The following SLFN12 variants were observed in gnomAD, a reference collection of about 807,000 sequenced individuals.
SLFN12 encodes schlafen family member 12.
SLFN12 carries 25 observed loss-of-function variants against 29.1 expected under a neutral mutation model. The ratio of observed to expected loss-of-function variants is 0.86; its 90% confidence interval spans 0.63 to 1.20. The LOEUF is 1.20. Ranked by LOEUF, SLFN12 falls within the 50% of genes most tolerant of loss-of-function variation. The pLI, the probability that SLFN12 is intolerant of heterozygous loss-of-function variation, is 0.00. For missense variants in SLFN12, 660 were observed against 666.2 expected, an observed-to-expected ratio of 0.99 and a Z score of 0.10; for synonymous variants, 257 against 238.7, an observed-to-expected ratio of 1.08 and a Z score of -0.71.
At chr17:35,421,502 T>C (rs1436427324) in intron 2 of SLFN12, among the ~76,000 whole-genome samples, 1 of 150,398 alleles carries the variant, frequency 6.6e-6, no homozygotes, top group Admixed American at 6.6e-5. Context: ...TATCTTCTTC[T>C]AAGGGTATAG....
intron 1 of SLFN12, among the ~76,000 whole-genome samples, chr17:35,429,088 G>C (rs1427093913): frequency 1.3e-5 from 2 of 151,688 alleles, no homozygotes; most frequent in Non-Finnish European, 2.9e-5. Context: ...TCTCTAACTA[G>C]AGTCTTGTCC....
At chr17:35,414,125 C>T (rs1462588572) in intron 3 of SLFN12, among the ~76,000 whole-genome samples, 1 of 151,876 alleles carries the variant, frequency 6.6e-6, no homozygotes, top group African/African-American at 2.4e-5. Context: ...AAGTCCTAGC[C>T]AGAGCAATTA....
chr17:35,421,255 A>AATAAATAAATAGATAG (rs202080729), intron 2 of SLFN12, among the ~76,000 whole-genome samples: 1 of 146,822 alleles, frequency 6.8e-6, no homozygotes, highest in African/African-American at 2.5e-5. Flanking sequence ...TAAATAAATA[A>AATAAATAAATAGATAG]ATAGAAAGGG....
chr17:35,411,444 A>G lies in SLFN12; in HGVS notation c.1631T>C (p.Leu544Pro), dbSNP rs139010072. The change falls in exon 4 of 4, where the codon CTG becomes CCG. Residue 544 changes from leucine to proline, a missense_variant. By Grantham distance (98) the Leu-to-Pro change is moderately conservative. Transcript: ENST00000304905. Reference protein sequence around the residue: ...LFKALKRLKSLRDQFSFAENL... With the variant: ...LFKALKRLKSPRDQFSFAENL... ...TTCTGCAAAGGAAAACTGGTCTCTC[A>G]GAGACTTGAGTCTCTTTAAGGCTTT... The G allele has an allele frequency of 7.3e-4, 1,174 of 1,613,520 alleles. 9 individuals carry two copies. The highest frequency in any genetic ancestry group is 2.0e-3 in the South Asian group (186 of 91,002).
chr17:35,420,639 TG>T (rs1470779648), intron 2 of SLFN12: 1 of 289,208 alleles, frequency 3.5e-6, no homozygotes, highest in Non-Finnish European at 6.4e-6. Context: ...ACCATATAAT[TG>T]GGTTTATTTT....
chr17:35,427,493 G>A (rs1912079152), intron 1 of SLFN12, among the ~76,000 whole-genome samples: 1 of 152,048 alleles, frequency 6.6e-6, no homozygotes, highest in African/African-American at 2.4e-5. Context: ...TTCACAAAAT[G>A]AGTTGAGGAT....
rs1198306867 is a variant in SLFN12, at chr17:35,411,604, C to G, written c.1471G>C (p.Val491Leu). Reference protein sequence around the residue: ...LAKIGGYTKKVCVMTKIFYLS... With the variant: ...LAKIGGYTKKLCVMTKIFYLS... Reference sequence around the variant, plus strand: ...TAGAAGATCTTTGTCATGACACACACTTTTTTAGTGTAACCACCAATTTTT... The same window carrying G: ...TAGAAGATCTTTGTCATGACACACAGTTTTTTAGTGTAACCACCAATTTTT... The change falls in exon 4 of 4, where the codon GTG (valine) becomes CTG (leucine). Residue 491 changes from valine to leucine, a missense_variant. By Grantham distance (32) the Val-to-Leu change is conservative. Transcript: ENST00000304905. 2 of 1,613,956 alleles carry G rather than the reference C, an allele frequency of 1.2e-6. No individual in the cohort carries two copies. The highest frequency in any genetic ancestry group is 1.3e-5 in the African/African-American group (1 of 74,926).
chr17:35,427,289 A>T (rs1912070068), intron 1 of SLFN12, among the ~76,000 whole-genome samples: 1 of 152,134 alleles, frequency 6.6e-6, no homozygotes, highest in African/African-American at 2.4e-5. Flanking sequence ...CTTTGTTGTT[A>T]GTTCAGCCAG....
At chr17:35,427,621 T>G (rs969361428) in intron 1 of SLFN12, among the ~76,000 whole-genome samples, 2 of 149,392 alleles carry the variant, frequency 1.3e-5, no homozygotes, top group Non-Finnish European at 2.9e-5. Context: ...TGAATCTTGC[T>G]TTTCCATGTA....
chr17:35,425,555 A>G (rs1393392106), intron 1 of SLFN12, among the ~76,000 whole-genome samples: 1 of 152,008 alleles, frequency 6.6e-6, no homozygotes, highest in Non-Finnish European at 1.5e-5. Context: ...CACTTAACAT[A>G]AAGTCCTCCA....
Position 35,423,042 on chromosome 17 carries a change from A to G in SLFN12, c.-14T>C, listed in dbSNP as rs1393491399. On this transcript the variant is annotated 5_prime_UTR_variant, in exon 2 of 4. Transcript: ENST00000304905. ...ACTGATGTTCATTTTCCCAGCAGCT[A>G]TGCAGTGTCCAAGCAGAAATTCTTT... 35 of 1,593,334 alleles carry G rather than the reference A, an allele frequency of 2.2e-5. 1 individual carries two copies. Among genetic ancestry groups the G allele is most frequent in the Non-Finnish European group, 2.6e-5 (31 of 1,170,128 alleles).
chr17:35,421,772 C>G (rs528775892), intron 2 of SLFN12, among the ~76,000 whole-genome samples: 1 of 151,918 alleles, frequency 6.6e-6, no homozygotes, highest in South Asian at 2.1e-4. Context: ...TATCTCCTGA[C>G]CTCGTGATCC....
chr17:35,429,783 G>A (rs971250372), intron 1 of SLFN12, among the ~76,000 whole-genome samples: 4 of 151,942 alleles, frequency 2.6e-5, no homozygotes, highest in South Asian at 2.1e-4. Flanking sequence ...CATCCTTCCC[G>A]CCTTCTAGAT....
intron 3 of SLFN12, among the ~76,000 whole-genome samples, chr17:35,416,237 TG>T (rs1218140482): frequency 1.3e-5 from 2 of 152,110 alleles, no homozygotes; most frequent in African/African-American, 4.8e-5. Context: ...TTATTCTAAC[TG>T]AAGTAACTCA....
rs548833968 is a variant in SLFN12 at position 35,418,612 on chromosome 17, C to G, written c.1147+1662G>C. Among the ~76,000 whole-genome samples, 4 of 152,128 alleles carry G rather than the reference C, an allele frequency of 2.6e-5. No individual in the cohort carries two copies. The South Asian group carries it at 8.3e-4, about 32-fold the overall frequency. On this transcript the variant is annotated intron_variant, in intron 3 of 3. Coordinates refer to ENST00000304905, the MANE Select transcript of SLFN12 (RefSeq NM_018042.5). ...TTAATTGACTACGTTATTGGTAAGG[C>G]TTTGGGTCAAAAGTAAGCTATTAGT...
chr17:35,431,081 A>G (rs1038929943), intron 1 of SLFN12, among the ~76,000 whole-genome samples: 7 of 152,284 alleles, frequency 4.6e-5, no homozygotes, highest in Admixed American at 1.3e-4. Context: ...AAGCTTTTAT[A>G]CAACAAGAAA....
chr17:35,424,400 TAAG>T (rs1424760742), intron 1 of SLFN12, among the ~76,000 whole-genome samples: 1 of 150,818 alleles, frequency 6.6e-6, no homozygotes, highest in Non-Finnish European at 1.5e-5. Context: ...AAGTATGACT[TAAG>T]TTTAACTTTT....
chr17:35,429,924 G>A (rs771937214), intron 1 of SLFN12, among the ~76,000 whole-genome samples: 44 of 151,958 alleles, frequency 2.9e-4, no homozygotes, highest in Non-Finnish European at 6.0e-4. Context: ...ACTCCAGGAG[G>A]ATGGATAACC....
At chr17:35,428,934 A>C (rs913913602) in intron 1 of SLFN12, among the ~76,000 whole-genome samples, 3 of 152,088 alleles carry the variant, frequency 2.0e-5, no homozygotes, top group Admixed American at 1.3e-4. Context: ...TTGACCAGAC[A>C]GAAGAGATTC....
Sources: allele counts gnomAD v4.1 joint callset (sites outside exome capture counted in the v4.1 genomes callset), GRCh38; gene constraint gnomAD v4.1.1; transcripts MANE v1.5; gene names NCBI Gene and HGNC (gene_info 2026-07-23, HGNC 2026-07-21).